The following PTPN3 variants were observed in gnomAD, a reference collection of about 807,000 sequenced individuals.
PTPN3 encodes the protein tyrosine-protein phosphatase non-receptor type 3.
In PTPN3, 96 loss-of-function variants were observed where a neutral mutation model predicts 132.7. The ratio of observed to expected loss-of-function variants is 0.72; its 90% CI spans 0.61 to 0.86. The LOEUF (loss-of-function observed/expected upper bound fraction) is 0.86, where lower values mean the gene tolerates loss of function less well. Ranked by LOEUF, PTPN3 falls within the 40% of genes least tolerant of loss-of-function variation. The pLI is 0.00. For missense variants in PTPN3, 1,125 were observed against 1,159.6 expected (o/e 0.97, Z 0.43); for synonymous variants, 398 against 429.0 (o/e 0.93, Z 0.89).
chr9:109,393,751 T>C (rs1027269252), intron 19 of PTPN3, among the ~76,000 whole-genome samples: 1 of 152,172 alleles, frequency 6.6e-6, no homozygotes, highest in African/African-American at 2.4e-5. Flanking sequence ...AAAGATGTGT[T>C]TGCAGTTTGA....
At chr9:109,385,593 C>T (rs992347990) in intron 22 of PTPN3, among the ~76,000 whole-genome samples, 2 of 152,186 alleles carry the variant, frequency 1.3e-5, no homozygotes, top group African/African-American at 4.8e-5. Flanking sequence ...AATGTCTCAA[C>T]AGGCCTGTGA....
intron 16 of PTPN3, among the ~76,000 whole-genome samples, chr9:109,409,692 G>A (rs1841917840): frequency 6.6e-6 from 1 of 152,200 alleles, no homozygotes; most frequent in East Asian, 1.9e-4. Context: ...GTATGGTGGT[G>A]CATCCCTATA....
intron 1 of PTPN3, among the ~76,000 whole-genome samples, chr9:109,478,862 TACC>T (rs1846818521): frequency 6.6e-6 from 1 of 152,220 alleles, no homozygotes; most frequent in Non-Finnish European, 1.5e-5. Context: ...CCCATGAGGT[TACC>T]ACATGTGTTT....
chr9:109,489,419 A>G (rs1847355892), intron 1 of PTPN3, among the ~76,000 whole-genome samples: 1 of 152,186 alleles, frequency 6.6e-6, no homozygotes, highest in Admixed American at 6.5e-5. Flanking sequence ...GAAGATTCCT[A>G]GTGCTAGAGG....
the PTPN3 span, among the ~76,000 whole-genome samples, chr9:109,512,655 A>G: frequency 2.6e-5 from 4 of 152,228 alleles, no homozygotes; most frequent in Non-Finnish European, 4.4e-5. Context: ...GACTTTAATC[A>G]TAAGTATGAC....
chr9:109,508,192 G>A, the PTPN3 span, among the ~76,000 whole-genome samples: 1 of 144,720 alleles, frequency 6.9e-6, no homozygotes, highest in Non-Finnish European at 1.5e-5. Flanking sequence ...ATGGCGTTTC[G>A]CTCTGTCACC....
intron 5 of PTPN3, 120 bp from the exon 6 acceptor site, chr9:109,448,975 G>C: frequency 6.8e-7 from 1 of 1,480,794 alleles, no homozygotes; most frequent in South Asian, 1.4e-5. Context: ...ATAAAAATAC[G>C]GTTTTGGTCC....
chr9:109,376,505 T>A lies in PTPN3; in HGVS notation c.*3051A>T, dbSNP rs1838571529. The A allele has an allele frequency of 6.6e-6, 1 of 152,096 alleles. No individual in the cohort carries two copies. The highest frequency in any genetic ancestry group is 2.4e-5 in the African/African-American group (1 of 41,428). The allele number at this position is 152,096 out of a possible 1,614,324, so 9.4% of individuals were successfully genotyped here. A position where few individuals can be genotyped will look rare whatever the true frequency, so the allele number is the denominator to read the frequency against. The stretch of plus-strand genomic sequence containing the variant: ...CCACTGCCCCCTAACCAAAGTTGCA[T>A]TTTTTTCTTCTGGAAAGTCAAAACA... On this transcript the variant is annotated 3_prime_UTR_variant, in exon 26 of 26. Coordinates refer to ENST00000374541, the MANE Select transcript of PTPN3 (RefSeq NM_002829.4).
chr9:109,506,279 T>G, the PTPN3 span, among the ~76,000 whole-genome samples: 1 of 152,198 alleles, frequency 6.6e-6, no homozygotes, highest in Non-Finnish European at 1.5e-5. Context: ...GTGGTGATGT[T>G]TGCTAAGAGC....
At chr9:109,456,708 G>C (rs1490398255) in intron 4 of PTPN3, among the ~76,000 whole-genome samples, 1 of 152,220 alleles carries the variant, frequency 6.6e-6, no homozygotes, top group Non-Finnish European at 1.5e-5. Context: ...ATTCACTCCT[G>C]AGAGATAAGC....
rs1185145264 is a variant in PTPN3, at chr9:109,455,639, C to T, written c.290-1065G>A. Among the ~76,000 whole-genome samples, 3 of 152,236 alleles carry T rather than the reference C, an allele frequency of 2.0e-5. No individual in the cohort carries two copies. The South Asian group carries it at 6.2e-4, about 32-fold the overall frequency. On this transcript the variant is annotated intron_variant, in intron 4 of 25. Transcript: ENST00000374541. ...GCACATCAGGGGAGAACAATGTCCT[C>T]CTGCTGCCTTGGGATGCTTGTTCAC...
Position 109,445,248 on chromosome 9 carries a change from G to A in PTPN3, c.458C>T (p.Ala153Val), listed in dbSNP as rs988763524. Residue 153 changes from alanine to valine, a missense_variant, in exon 7 of 26, where the codon GCC becomes GTC. Coordinates refer to ENST00000374541, the MANE Select transcript of PTPN3 (RefSeq NM_002829.4). ...CTCCCTTTGTGACTTACATTGTACG[G>A]CATAGGACGCTAGAACCACTGCTGA... ...LNSAVVLASY[A>V]VQSHFGDYNS... The A allele has an allele frequency of 1.9e-6, 3 of 1,613,298 alleles. No individual in the cohort carries two copies. The highest frequency in any genetic ancestry group is 2.2e-5 in the East Asian group (1 of 44,872).
chr9:109,391,880 G>GA (rs1221587152), intron 19 of PTPN3, among the ~76,000 whole-genome samples: 2 of 65,198 alleles, frequency 3.1e-5, no homozygotes, highest in East Asian at 5.3e-4. Context: ...TGGGGGGGGG[G>GA]GGGAAGAATT....
intron 23 of PTPN3, among the ~76,000 whole-genome samples, chr9:109,382,717 T>C (rs750702829): frequency 2.6e-5 from 4 of 151,512 alleles, no homozygotes; most frequent in East Asian, 1.9e-4. Context: ...TTTGCTGCTA[T>C]GGTACTTGCC....
intron 2 of PTPN3, among the ~76,000 whole-genome samples, chr9:109,458,881 C>T (rs550430599): frequency 6.6e-6 from 1 of 152,314 alleles, no homozygotes; most frequent in African/African-American, 2.4e-5. Flanking sequence ...TACTGAACAT[C>T]TACAAGGAGC....
chr9:109,408,865 T>TTATATATATA (rs71372566), intron 16 of PTPN3, among the ~76,000 whole-genome samples: 4 of 133,566 alleles, frequency 3.0e-5, no homozygotes, highest in Admixed American at 8.0e-5. Context: ...TATATGGGCT[T>TTATATATATA]TATATATATA....
At chr9:109,406,378 T>G in intron 18 of PTPN3, 84 bp downstream of exon 18, 1 of 1,445,802 alleles carries the variant, frequency 6.9e-7, no homozygotes, top group Non-Finnish European at 9.4e-7. Flanking sequence ...AACTCAACAT[T>G]TTCAAGAGCA....
At position 109,404,435 on chromosome 9, in the gene PTPN3, C is replaced by A; in HGVS notation, c.1953+13G>T. 1 of 1,402,784 alleles carries A rather than the reference C, an allele frequency of 7.1e-7. No individual in the cohort carries two copies. Among genetic ancestry groups the A allele is most frequent in the South Asian group, 2.0e-5 (1 of 51,266 alleles). 86.9% of individuals were successfully genotyped at this position (1,402,784 alleles called of 1,614,324 possible). A position where few individuals can be genotyped will look rare whatever the true frequency, so the allele number is the denominator to read the frequency against. ...CGACATGGCAGTGGGATTCAGCCTC[C>A]AGAGGGTCTTACCTCAAACTGGATC... is the stretch of plus-strand genomic sequence containing the variant. On this transcript the variant is annotated intron_variant, in intron 19 of 25. Transcript: ENST00000374541.
At chr9:109,447,066 C>T (rs1844913600) in intron 6 of PTPN3, among the ~76,000 whole-genome samples, 1 of 152,216 alleles carries the variant, frequency 6.6e-6, no homozygotes, top group Non-Finnish European at 1.5e-5. Context: ...CAGAGACCCT[C>T]TCCTCAGAGA....
Sources: gnomAD v4.1 joint callset for allele counts (sites outside exome capture counted in the v4.1 genomes callset) on GRCh38, gnomAD v4.1.1 for gene constraint, MANE v1.5 for transcripts, NCBI Gene and HGNC (gene_info 2026-07-23, HGNC 2026-07-21) for gene names.